FBXO47: variants seen among roughly 807,000 people sequenced by gnomAD.
FBXO47 encodes F-box only protein 47.
FBXO47 carries 34 observed loss-of-function variants against 53.9 expected under a neutral mutation model. The observed-to-expected ratio is 0.63, with a 90% CI of 0.48 to 0.84. The LOEUF (loss-of-function observed/expected upper bound fraction) is 0.84. Among genes scored for constraint, FBXO47 ranks in the 40% least tolerant of loss-of-function variants. The pLI is 0.00. For synonymous variants in FBXO47, 165 were observed against 181.6 expected, an observed-to-expected ratio of 0.91 and a Z score of 0.73; for missense variants, 485 against 541.3, an observed-to-expected ratio of 0.90 and a Z score of 1.03.
intron 6 of FBXO47, among the ~76,000 whole-genome samples, chr17:38,949,188 A>T (rs553051057): frequency 6.6e-6 from 1 of 152,160 alleles, no homozygotes; most frequent in South Asian, 2.1e-4. Context: ...AGGCTGAGAC[A>T]GGCAGATCAC....
chr17:38,957,694 T>C (rs1905618895), intron 3 of FBXO47, among the ~76,000 whole-genome samples: 1 of 143,026 alleles, frequency 7.0e-6, no homozygotes, highest in South Asian at 2.3e-4. Flanking sequence ...GAAAACTGAT[T>C]TTTCTTTTTT....
intron 1 of FBXO47, among the ~76,000 whole-genome samples, chr17:38,966,069 G>T (rs760830074): frequency 1.3e-5 from 2 of 151,964 alleles, no homozygotes; most frequent in Non-Finnish European, 2.9e-5. Context: ...TTTTTTCAAT[G>T]AATTCTCTTT....
At chr17:38,943,868 C>A in intron 7 of FBXO47, 132 bp from the exon 8 acceptor site, 1 of 820,676 alleles carries the variant, frequency 1.2e-6, no homozygotes, top group Non-Finnish European at 1.9e-6. Context: ...ACTTTTGAAA[C>A]AAGAAGTCAA....
chr17:38,951,691 T>C lies in FBXO47; in HGVS notation c.508-2A>G. 6.2e-7 allele frequency: 1 copy of C among 1,601,348 alleles called. No individual in the cohort carries two copies. Among genetic ancestry groups the C allele is most frequent in the South Asian group, 1.1e-5 (1 of 90,254 alleles). On this transcript the variant is annotated splice_acceptor_variant, in intron 5 of 10. Coordinates refer to ENST00000378079, the MANE Select transcript of FBXO47 (RefSeq NM_001008777.3). LOFTEE classifies it high-confidence loss of function. ...TTCATCCCAACCTGCTGTTAAGGTC[T>C]GAGGAAAATAAAGAAAACATTGTGG... is the stretch of plus-strand genomic sequence containing the variant.
chr17:38,963,748 A>G (rs1157669673), intron 1 of FBXO47, among the ~76,000 whole-genome samples: 1 of 151,904 alleles, frequency 6.6e-6, no homozygotes, highest in Non-Finnish European at 1.5e-5. Flanking sequence ...GCAGTGAATT[A>G]AAGTCTTTCT....
At chr17:38,945,948 A>AAAAAATAT (rs1184511532) in intron 6 of FBXO47, among the ~76,000 whole-genome samples, 4 of 117,156 alleles carry the variant, frequency 3.4e-5, no homozygotes, top group African/African-American at 1.1e-4. Context: ...AAAAAAAAAA[A>AAAAAATAT]ATATATATAT....
chr17:38,938,518 G>A (rs1904354346), intron 10 of FBXO47, 55 bp downstream of exon 10: 3 of 1,274,700 alleles, frequency 2.4e-6, no homozygotes, highest in East Asian at 2.4e-5. Context: ...TGTTTTAGGT[G>A]GAGACTAGAG....
intron 9 of FBXO47, among the ~76,000 whole-genome samples, chr17:38,938,962 A>G (rs1422882647): frequency 2.0e-5 from 3 of 152,154 alleles, no homozygotes; most frequent in Non-Finnish European, 4.4e-5. Context: ...GCCTAATTTA[A>G]GATTATCATA....
At position 38,944,879 on chromosome 17, in the gene FBXO47, A is replaced by T; in HGVS notation, c.793+81T>A. On this transcript the variant is annotated intron_variant, in intron 7 of 10. Transcript: ENST00000378079. ...GTGTGTGTGTGTGTGTGTATAATAT[A>T]TGCTTCCTAAATATATATATGCTTC... 4.2e-6 allele frequency: 3 copies of T among 708,792 alleles called. No homozygotes were observed. In the South Asian group the frequency reaches 6.3e-5, roughly 15 times the overall value. 43.9% of individuals were successfully genotyped at this position (708,792 alleles called of 1,614,324 possible). A position where few individuals can be genotyped will look rare whatever the true frequency, so the allele number is the denominator to read the frequency against.
At chr17:38,953,553 A>T (rs559850307) in intron 5 of FBXO47, among the ~76,000 whole-genome samples, 48 of 152,194 alleles carry the variant, frequency 3.2e-4, no homozygotes, top group African/African-American at 1.1e-3. Context: ...TGAACCTGGG[A>T]GGTGGAGGCT....
chr17:38,949,492 G>A (rs1905115866), intron 6 of FBXO47, among the ~76,000 whole-genome samples: 1 of 152,030 alleles, frequency 6.6e-6, no homozygotes, highest in Non-Finnish European at 1.5e-5. Flanking sequence ...TCATGCACAA[G>A]TTTCTGTGTG....
rs991056328 is a variant in FBXO47, at chr17:38,965,889, A to T, written c.-27+1340T>A. Among the ~76,000 whole-genome samples, 9 of 151,078 alleles carry T rather than the reference A, an allele frequency of 6.0e-5. No individual in the cohort carries two copies. The South Asian group carries it at 1.9e-3, about 31-fold the overall frequency. On this transcript the variant is annotated intron_variant, in intron 1 of 10. Coordinates refer to ENST00000378079, the MANE Select transcript of FBXO47 (RefSeq NM_001008777.3). ...CAGAGCAAGAATCTGCCTCAAAAAAAAAAAAAAATAATTACACAAATAACA... is the reference window on the plus strand; with the variant it reads ...CAGAGCAAGAATCTGCCTCAAAAAATAAAAAAAATAATTACACAAATAACA...
chr17:38,950,182 C>T (rs11869405), intron 6 of FBXO47, among the ~76,000 whole-genome samples: 10 of 151,928 alleles, frequency 6.6e-5, no homozygotes, highest in Non-Finnish European at 1.0e-4. Flanking sequence ...CCCACTCCCC[C>T]CTCCCCTCAG....
intron 6 of FBXO47, among the ~76,000 whole-genome samples, chr17:38,945,829 G>A (rs1904732713): frequency 6.7e-6 from 1 of 150,158 alleles, no homozygotes; most frequent in African/African-American, 2.5e-5. Context: ...CCAGCTACTT[G>A]GGAGACTGAG....
chr17:38,946,506 C>A (rs1478917511), intron 6 of FBXO47, among the ~76,000 whole-genome samples: 118 of 59,414 alleles, frequency 2.0e-3, no homozygotes, highest in East Asian at 7.7e-3. Context: ...ATATATATAA[C>A]TATATAAATA....
chr17:38,950,701 T>C (rs182873817), intron 6 of FBXO47, among the ~76,000 whole-genome samples: 4 of 152,236 alleles, frequency 2.6e-5, no homozygotes, highest in African/African-American at 9.6e-5. Context: ...ATATGAAATA[T>C]TTCTGGTATA....
At chr17:38,948,471 T>C (rs1380912543) in intron 6 of FBXO47, among the ~76,000 whole-genome samples, 3 of 152,052 alleles carry the variant, frequency 2.0e-5, no homozygotes, top group Non-Finnish European at 2.9e-5. Flanking sequence ...TGCCTTGGCC[T>C]CCCAAAGTGC....
intron 5 of FBXO47, among the ~76,000 whole-genome samples, chr17:38,953,470 CA>C (rs1188970468): frequency 6.6e-6 from 1 of 151,828 alleles, no homozygotes; most frequent in African/African-American, 2.4e-5. Flanking sequence ...ACTAAAAATA[CA>C]AAAATTAGCT....
At chr17:38,941,642 A>ATATG (rs1555560024) in intron 9 of FBXO47, among the ~76,000 whole-genome samples, 6 of 144,224 alleles carry the variant, frequency 4.2e-5, no homozygotes, top group African/African-American at 1.3e-4. Flanking sequence ...ATATATATAT[A>ATATG]TATGTATGTG....
Sources: allele counts gnomAD v4.1 joint callset (sites outside exome capture counted in the v4.1 genomes callset), GRCh38; gene constraint gnomAD v4.1.1; transcripts MANE v1.5; gene names NCBI Gene and HGNC (gene_info 2026-07-23, HGNC 2026-07-21).